The following DHX34 variants were observed in gnomAD, a reference collection of about 807,000 sequenced individuals.
DHX34 encodes probable ATP-dependent RNA helicase DHX34.
In DHX34, 96 loss-of-function variants were observed where a neutral mutation model predicts 111.1. The observed-to-expected ratio is 0.86, with a 90% CI of 0.73 to 1.02. The LOEUF (loss-of-function observed/expected upper bound fraction) is 1.02, where lower values mean the gene tolerates loss of function less well. DHX34 is among the 50% of genes least tolerant of loss of function. The pLI, the probability that DHX34 is intolerant of heterozygous loss-of-function variation, is 0.00. For synonymous variants in DHX34, 688 were observed against 670.4 expected (o/e 1.03, Z -0.41); for missense variants, 1,560 against 1,579.9 (o/e 0.99, Z 0.21).
intron 13 of DHX34, chr19:47,379,450 A>C: frequency 3.7e-6 from 1 of 270,452 alleles, no homozygotes; most frequent in Non-Finnish European, 5.7e-6. Flanking sequence ...CTGCCTGAGA[A>C]TGCAGCTGTC....
In DHX34 at chr19:47,380,943, C is replaced by T. The variant is rs374723794; in HGVS notation, c.3110C>T (p.Thr1037Ile). The T allele has an allele frequency of 2.7e-4, 430 of 1,605,920 alleles. 6 individuals carry two copies. The South Asian group carries it at 4.6e-3, about 17-fold the overall frequency. The change falls in exon 15 of 17, where the codon ACA (threonine) becomes ATA (isoleucine). Residue 1037 changes from threonine to isoleucine, a missense_variant. Transcript: ENST00000328771. ...FGSSTLSPHP[T>I]KGGYAVTDFL... ...AGCTCCACCCTGTCCCCCCACCCCA[C>T]AAAGGGGGGCTACGCAGTCACTGAC...
At chr19:47,372,157 C>A (rs1049470679) in intron 7 of DHX34, among the ~76,000 whole-genome samples, 1 of 151,794 alleles carries the variant, frequency 6.6e-6, no homozygotes, top group Admixed American at 6.6e-5. Context: ...CAGCCCCTGC[C>A]CCATCTTTCT....
chr19:47,355,898 T>G (rs1969443814), intron 3 of DHX34, among the ~76,000 whole-genome samples: 1 of 151,856 alleles, frequency 6.6e-6, no homozygotes, highest in Admixed American at 6.6e-5. Context: ...TAAGAGAAGT[T>G]TATTTCTCTC....
intron 12 of DHX34, 121 bp downstream of exon 12, chr19:47,376,681 C>A: frequency 1.2e-5 from 18 of 1,464,382 alleles, no homozygotes; most frequent in Non-Finnish European, 1.6e-5. Flanking sequence ...TGACGGGGGC[C>A]CACAGGAGGG....
intron 3 of DHX34, among the ~76,000 whole-genome samples, chr19:47,356,980 GT>G (rs1568395293): frequency 6.6e-6 from 1 of 152,102 alleles, no homozygotes; most frequent in Non-Finnish European, 1.5e-5. Context: ...GTTTTCTAGG[GT>G]TTTTGTTTTT....
At chr19:47,354,419 A>G (rs1969388183) in intron 2 of DHX34, among the ~76,000 whole-genome samples, 1 of 152,194 alleles carries the variant, frequency 6.6e-6, no homozygotes, top group Non-Finnish European at 1.5e-5. Context: ...GCAGGGACTC[A>G]AGAAAAGGTT....
chr19:47,377,065 A>G, intron 12 of DHX34, 35 bp from the exon 13 acceptor site: 3 of 1,611,332 alleles, frequency 1.9e-6, no homozygotes, highest in Non-Finnish European at 2.5e-6. Flanking sequence ...TGGGTGGGCC[A>G]GGGTGGGCCT....
rs1568398660 is a variant in DHX34 at position 47,362,784 on chromosome 19, A to C, written c.1593+91A>C. 5 of 1,198,956 alleles carry C rather than the reference A, an allele frequency of 4.2e-6. No homozygotes were observed. The East Asian group carries it at 1.3e-4, about 32-fold the overall frequency. The allele number at this position is 1,198,956 out of a possible 1,614,324, so 74.3% of individuals were successfully genotyped here. A position where few individuals can be genotyped will look rare whatever the true frequency, so the allele number is the denominator to read the frequency against. ...TTTTTATTTTATTTTATTTTATTTTATTTTGAGATAGCGTCTTGCTCTGTC... is the reference window on the plus strand; with the variant it reads ...TTTTTATTTTATTTTATTTTATTTTCTTTTGAGATAGCGTCTTGCTCTGTC... On this transcript the variant is annotated intron_variant, in intron 6 of 16. Coordinates refer to ENST00000328771, the MANE Select transcript of DHX34 (RefSeq NM_014681.6).
rs753857715 is a variant in DHX34, at chr19:47,376,422, CTT to C, written c.2482-19_2482-18del. On this transcript the variant is annotated intron_variant, in intron 11 of 16. Transcript: ENST00000328771. ...GAGAGAGCAGATAGGAGGGCTTGTG[CTT>C]TCTCTCTGTCCTCCGCAGATTTTCC... 1 of 1,606,168 alleles carries C rather than the reference CTT, an allele frequency of 6.2e-7. No homozygotes were observed. The highest frequency in any genetic ancestry group is 1.7e-5 in the Admixed American group (1 of 59,216).
chr19:47,369,066 C>T (rs1443014338), intron 7 of DHX34, among the ~76,000 whole-genome samples: 2 of 151,958 alleles, frequency 1.3e-5, no homozygotes, highest in Admixed American at 6.6e-5. Flanking sequence ...TTAGTAGAGA[C>T]GGGGTTTCAT....
chr19:47,376,072 A>G lies in DHX34; in HGVS notation c.2456A>G (p.Asn819Ser), dbSNP rs375056515. 6.4e-5 allele frequency: 100 copies of G among 1,570,564 alleles called. No homozygotes were observed. The highest frequency in any genetic ancestry group is 1.0e-4 in the South Asian group (9 of 86,868). The change falls in exon 11 of 17, where the codon AAC (asparagine) becomes AGC (serine). Residue 819 changes from asparagine (N) to serine (S), a missense_variant. Coordinates refer to ENST00000328771, the MANE Select transcript of DHX34 (RefSeq NM_014681.6). ...CAGCTGGCCGTCCCCGACGCCTTCA[A>G]CAGCAGCCGAAAGGACTCAGACCAG... Reference protein sequence around the residue: ...YPQLAVPDAFNSSRKDSDQIF... With the variant: ...YPQLAVPDAFSSSRKDSDQIF...
Position 47,382,066 on chromosome 19 carries a change from C to G in DHX34, c.3385C>G (p.Leu1129Val), listed in dbSNP as rs910119127. 2 of 1,614,142 alleles carry G rather than the reference C, an allele frequency of 1.2e-6. No homozygotes were observed. The highest frequency in any genetic ancestry group is 2.2e-5 in the South Asian group (2 of 91,082). Reference protein sequence around the residue: ...YHCEACGKDFLFTPTEVLRHR... With the variant: ...YHCEACGKDFVFTPTEVLRHR... ...CTGCGAGGCCTGCGGGAAGGACTTC[C>G]TCTTTACACCCACAGAGGTGCTGCG... The change falls in exon 17 of 17, where the codon CTC becomes GTC. Residue 1129 changes from leucine (L) to valine (V), a missense_variant. Coordinates refer to ENST00000328771, the MANE Select transcript of DHX34 (RefSeq NM_014681.6).
chr19:47,366,866 G>A (rs1969800542), intron 6 of DHX34, 115 bp from the exon 7 acceptor site: 30 of 1,380,746 alleles, frequency 2.2e-5, no homozygotes, highest in Middle Eastern at 5.4e-4. Flanking sequence ...GAGCCACAAC[G>A]CCCGGCCAAC....
chr19:47,369,892 C>T (rs1248975011), intron 7 of DHX34, among the ~76,000 whole-genome samples: 1 of 152,132 alleles, frequency 6.6e-6, no homozygotes, highest in Admixed American at 6.5e-5. Flanking sequence ...CAGAGGTCGA[C>T]GGAGACCATT....
At chr19:47,366,023 A>T (rs1462733205) in intron 6 of DHX34, among the ~76,000 whole-genome samples, 1 of 152,158 alleles carries the variant, frequency 6.6e-6, no homozygotes, top group Non-Finnish European at 1.5e-5. Flanking sequence ...CCCATTTCCA[A>T]AAAATGGACA....
At chr19:47,362,830 C>T in intron 6 of DHX34, 137 bp downstream of exon 6, 2 of 835,454 alleles carry the variant, frequency 2.4e-6, no homozygotes, top group South Asian at 4.7e-5. Flanking sequence ...GAGTGCAGTG[C>T]TGTGATCATG....
At chr19:47,368,649 CACACACACACACAT>C (rs1442049055) in intron 7 of DHX34, among the ~76,000 whole-genome samples, 5 of 139,426 alleles carry the variant, frequency 3.6e-5, no homozygotes, top group African/African-American at 1.3e-4. Context: ...TACACACACA[CACACACACACACAT>C]ACACACACAT....
chr19:47,356,893 C>T (rs1969473749), intron 3 of DHX34, among the ~76,000 whole-genome samples: 1 of 152,150 alleles, frequency 6.6e-6, no homozygotes, highest in Non-Finnish European at 1.5e-5. Context: ...GTGGAGGCTG[C>T]AGTGAGCCGA....
In DHX34 at chr19:47,375,913, G is replaced by T. The variant is rs761700863; in HGVS notation, c.2308-11G>T. 11 of 1,595,170 alleles carry T rather than the reference G, an allele frequency of 6.9e-6. No homozygotes were observed. The highest frequency in any genetic ancestry group is 9.4e-6 in the Non-Finnish European group (11 of 1,174,996). On this transcript the variant is annotated splice_polypyrimidine_tract_variant and intron_variant, in intron 10 of 16. Coordinates refer to ENST00000328771, the MANE Select transcript of DHX34 (RefSeq NM_014681.6). ...GTCCCCTAAGACTCTGCCTCCCCGTGCTCCCCCCAGGATGTGAAGTTCAAG... is the reference window on the plus strand; with the variant it reads ...GTCCCCTAAGACTCTGCCTCCCCGTTCTCCCCCCAGGATGTGAAGTTCAAG...
Sources: gnomAD v4.1 joint callset for allele counts (sites outside exome capture counted in the v4.1 genomes callset) on GRCh38, gnomAD v4.1.1 for gene constraint, MANE v1.5 for transcripts, NCBI Gene and HGNC (gene_info 2026-07-23, HGNC 2026-07-21) for gene names.